MMP16: variants seen among roughly 807,000 people sequenced by gnomAD.
MMP16 encodes matrix metallopeptidase 16.
A neutral mutation model predicts 67.8 loss-of-function variants in MMP16; 12 were observed. That is an observed-to-expected ratio of 0.18 (90% CI 0.11 to 0.29). MMP16 has a LOEUF of 0.29. Ranked by LOEUF, MMP16 falls within the 10% of genes least tolerant of loss-of-function variation. The pLI, the probability that MMP16 is intolerant of heterozygous loss-of-function variation, is 1.00. For missense variants in MMP16, 475 were observed against 765.7 expected (o/e 0.62, Z 4.48); for synonymous variants, 249 against 255.9 (o/e 0.97, Z 0.26).
intron 1 of MMP16, among the ~76,000 whole-genome samples, chr8:88,299,054 T>C (rs1303095354): frequency 1.3e-5 from 2 of 151,900 alleles, no homozygotes; most frequent in African/African-American, 4.8e-5. Context: ...GGAAAAAAAA[T>C]AGATGACAGA....
At chr8:88,267,415 A>G (rs2129964243) in intron 1 of MMP16, among the ~76,000 whole-genome samples, 1 of 152,324 alleles carries the variant, frequency 6.6e-6, no homozygotes. Context: ...GGGTATCCCC[A>G]CAAAACCCCA....
At chr8:88,164,560 G>T (rs1808681268) in intron 4 of MMP16, among the ~76,000 whole-genome samples, 1 of 151,910 alleles carries the variant, frequency 6.6e-6, no homozygotes, top group African/African-American at 2.4e-5. Context: ...AATCTTTTTG[G>T]CATTACATCT....
intron 4 of MMP16, among the ~76,000 whole-genome samples, chr8:88,127,834 T>C (rs1026415773): frequency 6.6e-6 from 1 of 151,892 alleles, no homozygotes; most frequent in Admixed American, 6.6e-5. Context: ...TACCAACACA[T>C]CTAGATTGTA....
At chr8:88,084,422 A>G (rs1389824313) in intron 6 of MMP16, among the ~76,000 whole-genome samples, 2 of 151,916 alleles carry the variant, frequency 1.3e-5, no homozygotes, top group Admixed American at 6.6e-5. Flanking sequence ...GAGATAGTTT[A>G]TAAGACTATA....
intron 4 of MMP16, among the ~76,000 whole-genome samples, chr8:88,141,047 A>G (rs1327598708): frequency 6.6e-6 from 1 of 152,186 alleles, no homozygotes; most frequent in Non-Finnish European, 1.5e-5. Flanking sequence ...AAATAACTGT[A>G]ACTGCTAGCC....
rs191963724 is a variant in MMP16, at chr8:88,302,545, C to T, written c.132+24530G>A. Among the ~76,000 whole-genome samples, 627 of 152,092 alleles carry T rather than the reference C, an allele frequency of 4.1e-3. 2 individuals are homozygous for T. Among genetic ancestry groups the T allele is most frequent in the Non-Finnish European group, 6.2e-3 (419 of 68,006 alleles). ...AAATAAGTAACAACCCTAAATCACA[C>T]TTTAATCCTAATTTTCCGGAGACAC... is the stretch of plus-strand genomic sequence containing the variant. On this transcript the variant is annotated intron_variant, in intron 1 of 9. Coordinates refer to ENST00000286614, the MANE Select transcript of MMP16 (RefSeq NM_005941.5).
At chr8:88,223,860 A>T (rs1159737068) in intron 1 of MMP16, among the ~76,000 whole-genome samples, 1 of 151,942 alleles carries the variant, frequency 6.6e-6, no homozygotes, top group Non-Finnish European at 1.5e-5. Flanking sequence ...AAAAGAAAAT[A>T]TTTTACCAGG....
intron 1 of MMP16, among the ~76,000 whole-genome samples, chr8:88,209,835 C>T (rs1809485939): frequency 6.6e-6 from 1 of 152,074 alleles, no homozygotes; most frequent in Non-Finnish European, 1.5e-5. Context: ...CATGTATATA[C>T]CACACTTTGT....
At chr8:88,166,889 G>A (rs1194119842) in intron 4 of MMP16, among the ~76,000 whole-genome samples, 1 of 151,444 alleles carries the variant, frequency 6.6e-6, no homozygotes, top group Non-Finnish European at 1.5e-5. Flanking sequence ...TTATAGACTG[G>A]AAAGTTAATA....
intron 1 of MMP16, among the ~76,000 whole-genome samples, chr8:88,286,191 C>T (rs1336541095): frequency 2.6e-5 from 4 of 152,176 alleles, no homozygotes; most frequent in African/African-American, 9.7e-5. Context: ...ATTTTCCCTC[C>T]AGGTACTTCT....
chr8:88,292,001 C>T (rs992967373), intron 1 of MMP16, among the ~76,000 whole-genome samples: 7 of 152,110 alleles, frequency 4.6e-5, no homozygotes, highest in Admixed American at 1.3e-4. Flanking sequence ...TAAGGTTCTA[C>T]GTAACTAGTA....
At chr8:88,134,695 T>C (rs1449667132) in intron 4 of MMP16, among the ~76,000 whole-genome samples, 3 of 151,808 alleles carry the variant, frequency 2.0e-5, no homozygotes, top group Admixed American at 1.3e-4. Context: ...TGTTGCTGTT[T>C]CCCCTAGCAG....
chr8:88,107,063 T>A (rs1215505302), intron 6 of MMP16, among the ~76,000 whole-genome samples: 1 of 151,186 alleles, frequency 6.6e-6, no homozygotes, highest in African/African-American at 2.4e-5. Context: ...TCCATTTAAA[T>A]AGTTGATCCA....
chr8:88,154,546 G>A (rs1808472955), intron 4 of MMP16, among the ~76,000 whole-genome samples: 1 of 151,766 alleles, frequency 6.6e-6, no homozygotes, highest in South Asian at 2.1e-4. Context: ...CATAAAAAAT[G>A]ATGAGTTCAT....
At chr8:88,054,606 C>T (rs1442148205) in intron 8 of MMP16, among the ~76,000 whole-genome samples, 1 of 152,082 alleles carries the variant, frequency 6.6e-6, no homozygotes, top group East Asian at 1.9e-4. Context: ...AACATTATAG[C>T]ACAGCCTAGC....
chr8:88,207,224 T>C (rs1809442973), intron 1 of MMP16, among the ~76,000 whole-genome samples: 1 of 152,182 alleles, frequency 6.6e-6, no homozygotes, highest in South Asian at 2.1e-4. Flanking sequence ...GTGTTATTCC[T>C]AGTTGAGAGA....
chr8:88,321,447 T>C (rs553855134), intron 1 of MMP16, among the ~76,000 whole-genome samples: 11 of 152,184 alleles, frequency 7.2e-5, no homozygotes, highest in Non-Finnish European at 1.3e-4. Context: ...TTTTTTAAAT[T>C]AATTTTTAAG....
chr8:88,149,584 C>G (rs1284675917), intron 4 of MMP16, among the ~76,000 whole-genome samples: 1 of 151,978 alleles, frequency 6.6e-6, no homozygotes, highest in South Asian at 2.1e-4. Context: ...CTGGGAGGCA[C>G]CCCCCAGCAG....
At chr8:88,276,523 CT>C (rs1194816747) in intron 1 of MMP16, among the ~76,000 whole-genome samples, 3 of 152,090 alleles carry the variant, frequency 2.0e-5, no homozygotes, top group East Asian at 3.9e-4. Flanking sequence ...CAGAGAAGAA[CT>C]ACCTTAAATA....
Sources: allele counts gnomAD v4.1 joint callset (sites outside exome capture counted in the v4.1 genomes callset), GRCh38; gene constraint gnomAD v4.1.1; transcripts MANE v1.5; gene names NCBI Gene and HGNC (gene_info 2026-07-23, HGNC 2026-07-21).